CLVS1: variants seen among roughly 807,000 people sequenced by gnomAD.
CLVS1 encodes clavesin-1.
A neutral mutation model predicts 33.1 loss-of-function variants in CLVS1; 10 were observed. The observed-to-expected ratio is 0.30, with a 90% CI of 0.19 to 0.51. CLVS1 has a LOEUF of 0.51. Ranked by LOEUF, CLVS1 falls within the 20% of genes least tolerant of loss-of-function variation. The pLI, the probability that CLVS1 is intolerant of heterozygous loss-of-function variation, is 0.97. For synonymous variants in CLVS1, 163 were observed against 166.1 expected, an observed-to-expected ratio of 0.98 and a Z score of 0.14; for missense variants, 343 against 433.4, an observed-to-expected ratio of 0.79 and a Z score of 1.85.
chr8:61,202,185 A>C (rs191717853), intron 2 of CLVS1, among the ~76,000 whole-genome samples: 2 of 152,226 alleles, frequency 1.3e-5, no homozygotes, highest in Non-Finnish European at 2.9e-5. Flanking sequence ...TATTTAGGCT[A>C]AGTTGTAGGA....
intron 2 of CLVS1, among the ~76,000 whole-genome samples, chr8:61,352,126 GA>G (rs540845179): frequency 1.4e-4 from 22 of 152,104 alleles, no homozygotes; most frequent in Admixed American, 1.1e-3. Flanking sequence ...ATATTTAAAA[GA>G]GGGAAAAGTA....
At chr8:61,221,570 G>T (rs1808217423) in intron 2 of CLVS1, among the ~76,000 whole-genome samples, 2 of 152,182 alleles carry the variant, frequency 1.3e-5, no homozygotes, top group Non-Finnish European at 2.9e-5. Context: ...TCAATGTGCT[G>T]CTGGATTCAG....
intron 3 of CLVS1, among the ~76,000 whole-genome samples, chr8:61,422,562 G>A (rs543076833): frequency 3.9e-5 from 6 of 152,280 alleles, no homozygotes; most frequent in African/African-American, 1.4e-4. Context: ...TGCTTCAGCT[G>A]TTTTCTTTTA....
intron 2 of CLVS1, among the ~76,000 whole-genome samples, chr8:61,151,058 G>T (rs957007530): frequency 6.6e-6 from 1 of 152,278 alleles, no homozygotes; most frequent in East Asian, 1.9e-4. Context: ...TTTGTCACTT[G>T]CAAGAAAAAG....
At chr8:61,478,514 A>C (rs893632877) in intron 5 of CLVS1, among the ~76,000 whole-genome samples, 3 of 152,196 alleles carry the variant, frequency 2.0e-5, no homozygotes, top group African/African-American at 7.2e-5. Flanking sequence ...TATTGGGTAC[A>C]TATATATTTA....
the CLVS1 span, among the ~76,000 whole-genome samples, chr8:61,034,351 A>G: frequency 2.1e-5 from 3 of 144,592 alleles, 1 homozygote; most frequent in Admixed American, 7.1e-5. Flanking sequence ...TAACATGTCC[A>G]TCACCTCAAA....
intron 2 of CLVS1, among the ~76,000 whole-genome samples, chr8:61,132,076 A>C (rs1806110227): frequency 6.6e-6 from 1 of 152,206 alleles, no homozygotes; most frequent in South Asian, 2.1e-4. Context: ...GTACATGGAC[A>C]CTCACACATA....
At chr8:61,117,869 G>A (rs942345562) in intron 1 of CLVS1, among the ~76,000 whole-genome samples, 1 of 151,520 alleles carries the variant, frequency 6.6e-6, no homozygotes, top group African/African-American at 2.4e-5. Flanking sequence ...TTTGGTATCA[G>A]AATGATGCTG....
At chr8:61,379,745 C>T (rs1813790576) in intron 3 of CLVS1, among the ~76,000 whole-genome samples, 1 of 152,182 alleles carries the variant, frequency 6.6e-6, no homozygotes, top group Non-Finnish European at 1.5e-5. Flanking sequence ...GGGGAAGCTA[C>T]TACAGAAGAA....
chr8:61,230,531 T>A (rs539469861), intron 2 of CLVS1, among the ~76,000 whole-genome samples: 35 of 152,218 alleles, frequency 2.3e-4, no homozygotes, highest in Non-Finnish European at 4.3e-4. Flanking sequence ...ACAAGAAGTA[T>A]CTTTTTAGCT....
Position 61,500,146 on chromosome 8 carries a change from A to AATT in CLVS1, c.*608_*610dup, listed in dbSNP as rs1259378447. On this transcript the variant is annotated 3_prime_UTR_variant, in exon 6 of 6. Coordinates refer to ENST00000325897, the MANE Select transcript of CLVS1 (RefSeq NM_173519.3). ...CTTATTTTGATGATATCCTGCAAAA[A>AATT]ATTATTTTGATGTCACATCTCTTGT... The AATT allele has an allele frequency of 6.6e-6, 1 of 152,638 alleles. No homozygotes were observed. The highest frequency in any genetic ancestry group is 1.5e-5 in the Non-Finnish European group (1 of 68,050). The allele number at this position is 152,638 out of a possible 1,614,324, so 9.5% of individuals were successfully genotyped here.
intron 1 of CLVS1, among the ~76,000 whole-genome samples, chr8:61,075,544 C>G (rs780935339): frequency 6.6e-6 from 1 of 152,174 alleles, no homozygotes; most frequent in Non-Finnish European, 1.5e-5. Flanking sequence ...CCTCTCTAAC[C>G]TTAAACTAAG....
intron 5 of CLVS1, among the ~76,000 whole-genome samples, chr8:61,492,720 G>T (rs1054251661): frequency 6.6e-6 from 1 of 152,128 alleles, no homozygotes; most frequent in East Asian, 1.9e-4. Context: ...TATATTTCCA[G>T]TTCAGTAAAT....
intron 1 of CLVS1, among the ~76,000 whole-genome samples, chr8:61,073,569 T>C (rs1804841404): frequency 6.6e-6 from 1 of 152,118 alleles, no homozygotes; most frequent in Non-Finnish European, 1.5e-5. Context: ...ACTTACTGAG[T>C]GTTTAGTGGG....
intron 1 of CLVS1, among the ~76,000 whole-genome samples, chr8:61,059,475 C>CATACATATATATATATATATATATAT (rs59538219): frequency 1.1e-3 from 53 of 50,162 alleles, no homozygotes; most frequent in Non-Finnish European, 1.2e-3. Context: ...TACATACATA[C>CATACATATATATATATATATATATAT]ATATATATAT....
rs149140863 is a variant in CLVS1 at position 61,212,468 on chromosome 8, C to T, written c.-152+80608C>T. Among the ~76,000 whole-genome samples, 884 of 152,222 alleles carry T rather than the reference C, an allele frequency of 5.8e-3. 5 individuals are homozygous for T. The highest frequency in any genetic ancestry group is 8.4e-3 in the Non-Finnish European group (574 of 67,994). On this transcript the variant is annotated intron_variant, in intron 2 of 2. Coordinates refer to the CLVS1 transcript ENST00000522621. ...GAGGAGCCCAGGGTACTGAGGCTGG[C>T]GCTGCCCAGTTGGTCCCAAGAGATC...
At chr8:61,160,618 G>A (rs1449819205) in intron 2 of CLVS1, among the ~76,000 whole-genome samples, 5 of 123,524 alleles carry the variant, frequency 4.0e-5, no homozygotes, top group African/African-American at 7.4e-5. Context: ...TTCTTGTTAA[G>A]AGATTTTTTT....
At chr8:61,206,060 G>A (rs919042395) in intron 2 of CLVS1, among the ~76,000 whole-genome samples, 2 of 152,082 alleles carry the variant, frequency 1.3e-5, no homozygotes, top group Non-Finnish European at 2.9e-5. Context: ...CGTATAAGTA[G>A]CAGAATTAAT....
intron 2 of CLVS1, among the ~76,000 whole-genome samples, chr8:61,167,288 G>A (rs1474444617): frequency 1.3e-5 from 2 of 150,458 alleles, no homozygotes; most frequent in African/African-American, 2.5e-5. Flanking sequence ...TTCGCCTCCC[G>A]AGTTCAAGCC....
Sources: gnomAD v4.1 joint callset for allele counts (sites outside exome capture counted in the v4.1 genomes callset) on GRCh38, gnomAD v4.1.1 for gene constraint, MANE v1.5 for transcripts, NCBI Gene and HGNC (gene_info 2026-07-23, HGNC 2026-07-21) for gene names.